Variants in HDDC2 observed in about 807,000 individuals in gnomAD.
HDDC2 encodes 5'-deoxynucleotidase HDDC2.
Under a neutral mutation model 25.5 loss-of-function variants are expected in HDDC2, and 25 were observed. That is an observed-to-expected ratio of 0.98 (90% CI 0.72 to 1.37). The LOEUF is 1.37. Among genes scored for constraint, HDDC2 ranks in the 40% most tolerant of loss-of-function variants. The pLI is 0.00. For synonymous variants in HDDC2, 106 were observed against 89.7 expected, an observed-to-expected ratio of 1.18 and a Z score of -1.03; for missense variants, 264 against 253.1, an observed-to-expected ratio of 1.04 and a Z score of -0.29.
chr6:125,294,594 T>A (rs1243619733), intron 3 of HDDC2, among the ~76,000 whole-genome samples: 1 of 152,224 alleles, frequency 6.6e-6, no homozygotes, highest in African/African-American at 2.4e-5. Context: ...GCCAATTACT[T>A]CCAGTTGAAA....
At chr6:125,291,932 C>T (rs1168257332) in intron 4 of HDDC2, among the ~76,000 whole-genome samples, 1 of 152,130 alleles carries the variant, frequency 6.6e-6, no homozygotes, top group Non-Finnish European at 1.5e-5. Context: ...TCCCCTCACA[C>T]TCCTAAGACA....
intron 2 of HDDC2, among the ~76,000 whole-genome samples, chr6:125,299,162 T>C (rs990738868): frequency 1.3e-5 from 2 of 152,190 alleles, no homozygotes; most frequent in Admixed American, 1.3e-4. Flanking sequence ...AGGTGGCGGA[T>C]CACCTGAGGT....
At chr6:125,292,388 G>T (rs1798645195) in intron 4 of HDDC2, among the ~76,000 whole-genome samples, 1 of 152,108 alleles carries the variant, frequency 6.6e-6, no homozygotes, top group African/African-American at 2.4e-5. Flanking sequence ...TTCCATGCCA[G>T]GCATCTCTGT....
At chr6:125,300,871 A>C (rs1480660153) in intron 1 of HDDC2, among the ~76,000 whole-genome samples, 1 of 150,698 alleles carries the variant, frequency 6.6e-6, no homozygotes, top group Non-Finnish European at 1.5e-5. Context: ...GAAGACAGAG[A>C]GAGATAAGTC....
intron 4 of HDDC2, among the ~76,000 whole-genome samples, chr6:125,279,886 A>G (rs185924248): frequency 3.3e-5 from 5 of 152,346 alleles, no homozygotes; most frequent in Non-Finnish European, 7.3e-5. Context: ...AGAGAACTCG[A>G]ATCTATATTT....
chr6:125,295,057 T>C (rs1798688804), intron 3 of HDDC2, among the ~76,000 whole-genome samples: 1 of 152,238 alleles, frequency 6.6e-6, no homozygotes, highest in Non-Finnish European at 1.5e-5. Context: ...TGGCAGCACA[T>C]GCCAGAATCA....
intron 4 of HDDC2, among the ~76,000 whole-genome samples, chr6:125,290,922 G>A (rs9321032): frequency 0.2 from 29,908 of 152,156 alleles, 3,354 homozygotes; most frequent in African/African-American, 0.31. Flanking sequence ...AGATACTACT[G>A]CAAGTAAATT....
chr6:125,279,042 GT>G (rs1242481396), intron 4 of HDDC2: 3 of 152,214 alleles, frequency 2.0e-5, no homozygotes, highest in African/African-American at 7.2e-5. Context: ...ATATGTGCAA[GT>G]AGAGACAAAC....
intron 4 of HDDC2, among the ~76,000 whole-genome samples, chr6:125,285,288 A>G (rs1289416700): frequency 4.6e-5 from 7 of 152,250 alleles, no homozygotes; most frequent in Non-Finnish European, 5.9e-5. Flanking sequence ...CGTTCTGCAC[A>G]TGTATCCCAG....
intron 4 of HDDC2, among the ~76,000 whole-genome samples, chr6:125,288,444 G>A (rs1240216207): frequency 6.6e-6 from 1 of 152,188 alleles, no homozygotes; most frequent in Non-Finnish European, 1.5e-5. Context: ...AGAGGACTCA[G>A]ACTGGGGTTT....
intron 4 of HDDC2, among the ~76,000 whole-genome samples, chr6:125,290,067 A>G (rs1798607678): frequency 6.6e-6 from 1 of 152,234 alleles, no homozygotes; most frequent in East Asian, 1.9e-4. Flanking sequence ...GAAATATTTT[A>G]AAGTGATAAA....
chr6:125,276,257 G>T lies in HDDC2; in HGVS notation c.518-14C>A. The T allele has an allele frequency of 6.3e-7, 1 of 1,591,778 alleles. No individual in the cohort carries two copies. On this transcript the variant is annotated splice_polypyrimidine_tract_variant and intron_variant, in intron 5 of 5. Coordinates refer to ENST00000398153, the MANE Select transcript of HDDC2 (RefSeq NM_016063.3). ...GATTGAATTTTCCTGCAAAGCAAAA[G>T]AACAGGGAAAAATACATTCCCATAT...
At position 125,277,212 on chromosome 6, in the gene HDDC2, G is replaced by C. The variant is rs375169737; in HGVS notation, c.407C>G (p.Ala136Gly). 4.1e-5 allele frequency: 66 copies of C among 1,613,916 alleles called. No homozygotes were observed. The highest frequency in any genetic ancestry group is 5.5e-5 in the Non-Finnish European group (65 of 1,179,968). The change falls in exon 5 of 6, where the codon GCC (alanine) becomes GGC (glycine). Residue 136 changes from alanine (A) to glycine (G), a missense_variant. Ala to Gly is a moderately conservative substitution (Grantham distance 60). Coordinates refer to ENST00000398153, the MANE Select transcript of HDDC2 (RefSeq NM_016063.3). ...EEYETQSSAEAKFVKQLDQCE... is the reference protein window; with the variant it reads ...EEYETQSSAEGKFVKQLDQCE... ...TTGGTCTAGCTGCTTCACAAATTTG[G>C]CTTCTGCACTAGATTGGGTCTCGTA... is the stretch of plus-strand genomic sequence containing the variant.
intron 3 of HDDC2, among the ~76,000 whole-genome samples, chr6:125,297,773 C>T (rs1048149612): frequency 6.6e-6 from 1 of 152,186 alleles, no homozygotes; most frequent in Non-Finnish European, 1.5e-5. Flanking sequence ...AAACCAACCA[C>T]TCAGCATTCA....
chr6:125,289,682 C>A (rs1798601629), intron 4 of HDDC2, among the ~76,000 whole-genome samples: 1 of 152,142 alleles, frequency 6.6e-6, no homozygotes, highest in Admixed American at 6.5e-5. Context: ...TCAAGCCCCA[C>A]CTGTACTTTG....
chr6:125,285,409 A>G (rs1798518457), intron 4 of HDDC2, among the ~76,000 whole-genome samples: 1 of 152,202 alleles, frequency 6.6e-6, no homozygotes, highest in Admixed American at 6.5e-5. Context: ...GCAATAAGGA[A>G]CGCAAGGGTA....
At chr6:125,282,928 T>A (rs1006922019) in intron 4 of HDDC2, among the ~76,000 whole-genome samples, 2 of 152,196 alleles carry the variant, frequency 1.3e-5, no homozygotes, top group African/African-American at 2.4e-5. Context: ...GGGCATTACA[T>A]AATGGTAAAG....
intron 4 of HDDC2, among the ~76,000 whole-genome samples, chr6:125,284,222 CT>C (rs748181031): frequency 9.7e-4 from 147 of 152,224 alleles, no homozygotes; most frequent in Non-Finnish European, 1.5e-3. Context: ...AGAAGAAAAC[CT>C]AGGCAATACC....
chr6:125,301,748 A>C (rs1798811498), intron 1 of HDDC2, 101 bp downstream of exon 1: 4 of 805,268 alleles, frequency 5.0e-6, no homozygotes, highest in Non-Finnish European at 5.6e-6. Context: ...GACGCGGCGC[A>C]GGAAGGGCAA....
Sources: gnomAD v4.1 joint callset for allele counts (sites outside exome capture counted in the v4.1 genomes callset) on GRCh38, gnomAD v4.1.1 for gene constraint, MANE v1.5 for transcripts, NCBI Gene and HGNC (gene_info 2026-07-23, HGNC 2026-07-21) for gene names.